TPD52L1: variants seen among roughly 807,000 people sequenced by gnomAD.
TPD52L1 encodes TPD52 like 1.
TPD52L1 carries 18 observed loss-of-function variants against 28.7 expected under a neutral mutation model. That is an observed-to-expected ratio of 0.63 (90% CI 0.43 to 0.93). TPD52L1 has a LOEUF of 0.93. Among genes scored for constraint, TPD52L1 ranks in the 40% least tolerant of loss-of-function variants. The pLI is 0.00. For missense variants in TPD52L1, 203 were observed against 254.8 expected, an observed-to-expected ratio of 0.80 and a Z score of 1.39; for synonymous variants, 75 against 88.8, an observed-to-expected ratio of 0.84 and a Z score of 0.88.
intron 1 of TPD52L1, among the ~76,000 whole-genome samples, chr6:125,218,377 G>T (rs1795017408): frequency 6.6e-6 from 1 of 152,016 alleles, no homozygotes; most frequent in Admixed American, 6.6e-5. Context: ...TGCTTTCCTG[G>T]GTTTATTAAC....
At chr6:125,172,481 T>G (rs1219792705) in intron 1 of TPD52L1, among the ~76,000 whole-genome samples, 1 of 117,430 alleles carries the variant, frequency 8.5e-6, no homozygotes, top group Non-Finnish European at 1.7e-5. Flanking sequence ...TGTGTGTGTT[T>G]TTTTTTTAGC....
At chr6:125,257,607 A>AAATT (rs1797682447) in intron 6 of TPD52L1, among the ~76,000 whole-genome samples, 1 of 152,246 alleles carries the variant, frequency 6.6e-6, no homozygotes, top group African/African-American at 2.4e-5. Context: ...ACTTGTTTAT[A>AAATT]AATTCAGGTA....
intron 1 of TPD52L1, among the ~76,000 whole-genome samples, chr6:125,163,652 G>T (rs1349476157): frequency 7.9e-5 from 12 of 151,026 alleles, no homozygotes; most frequent in African/African-American, 2.9e-4. Context: ...CAGGCCGGGC[G>T]TGGTGGCTTA....
In TPD52L1 at chr6:125,203,478, A is replaced by C. The variant is rs571936281; in HGVS notation, c.20-16600A>C. ...ACAAATAATGGTTTGAAATAGGAAG[A>C]GTATCCCAAATGCTTTAATCTTATA... On this transcript the variant is annotated intron_variant, in intron 1 of 6. Transcript: ENST00000534000. Among the ~76,000 whole-genome samples the C allele has an allele frequency of 4.6e-5, 7 of 152,308 alleles. No individual in the cohort carries two copies. In the East Asian group the frequency reaches 1.4e-3, roughly 29 times the overall value.
At chr6:125,249,569 G>C (rs1233573319) in intron 4 of TPD52L1, among the ~76,000 whole-genome samples, 2 of 151,414 alleles carry the variant, frequency 1.3e-5, no homozygotes, top group African/African-American at 4.9e-5. Flanking sequence ...GTGTGTGCCT[G>C]TAGTCCCAGC....
intron 3 of TPD52L1, among the ~76,000 whole-genome samples, chr6:125,247,815 A>G (rs1191360466): frequency 6.6e-6 from 1 of 152,232 alleles, no homozygotes; most frequent in African/African-American, 2.4e-5. Context: ...AGTAAGCTAA[A>G]TAACTAGCTG....
At chr6:125,225,898 A>C (rs982220764) in intron 2 of TPD52L1, among the ~76,000 whole-genome samples, 4 of 152,152 alleles carry the variant, frequency 2.6e-5, no homozygotes, top group Non-Finnish European at 5.9e-5. Context: ...CTGCATTTTA[A>C]ATATGCTTTC....
intron 2 of TPD52L1, among the ~76,000 whole-genome samples, chr6:125,227,709 T>C (rs893161946): frequency 1.3e-5 from 2 of 152,228 alleles, no homozygotes; most frequent in African/African-American, 4.8e-5. Flanking sequence ...CAGAGCAATA[T>C]GTTATAGAGT....
intron 1 of TPD52L1, among the ~76,000 whole-genome samples, chr6:125,194,032 T>G (rs1449251909): frequency 1.3e-5 from 2 of 151,474 alleles, no homozygotes; most frequent in African/African-American, 2.4e-5. Flanking sequence ...AGTTTTTTTT[T>G]TTTTTTTTTT....
At chr6:125,225,935 T>G (rs1226877330) in intron 2 of TPD52L1, among the ~76,000 whole-genome samples, 2 of 152,142 alleles carry the variant, frequency 1.3e-5, no homozygotes, top group Admixed American at 1.3e-4. Context: ...TGAGAACCAC[T>G]GAGATAACTA....
chr6:125,237,970 T>G (rs1392920350), intron 3 of TPD52L1, among the ~76,000 whole-genome samples: 1 of 152,208 alleles, frequency 6.6e-6, no homozygotes, highest in Non-Finnish European at 1.5e-5. Context: ...TTGAACTCCA[T>G]TTTTAATGCC....
intron 5 of TPD52L1, among the ~76,000 whole-genome samples, chr6:125,255,899 C>T (rs959905): frequency 0.52 from 79,235 of 151,928 alleles, 21,370 homozygotes; most frequent in East Asian, 0.68. Context: ...TTAGTAGGAG[C>T]TGGTGGTATT....
At chr6:125,254,000 C>T in intron 5 of TPD52L1, 1 of 689,006 alleles carries the variant, frequency 1.5e-6, no homozygotes, top group East Asian at 2.8e-5. Flanking sequence ...ATTCTTTTAT[C>T]CATATATTGC....
At chr6:125,168,905 C>T (rs1043789232) in intron 1 of TPD52L1, among the ~76,000 whole-genome samples, 1 of 152,132 alleles carries the variant, frequency 6.6e-6, no homozygotes, top group Non-Finnish European at 1.5e-5. Flanking sequence ...ATAATGGCCC[C>T]ATATAATAGC....
At chr6:125,207,900 T>C (rs770812719) in intron 1 of TPD52L1, among the ~76,000 whole-genome samples, 11 of 152,202 alleles carry the variant, frequency 7.2e-5, no homozygotes, top group Non-Finnish European at 1.2e-4. Flanking sequence ...ACCTGCCTAA[T>C]GTGTTTCTAG....
intron 2 of TPD52L1, among the ~76,000 whole-genome samples, chr6:125,223,213 C>A (rs1453371814): frequency 6.6e-6 from 1 of 152,132 alleles, no homozygotes; most frequent in Non-Finnish European, 1.5e-5. Context: ...CTGTCTTATC[C>A]TGCATTATCT....
intron 6 of TPD52L1, among the ~76,000 whole-genome samples, chr6:125,259,244 C>T (rs1308247432): frequency 1.3e-5 from 2 of 152,148 alleles, no homozygotes; most frequent in Non-Finnish European, 2.9e-5. Flanking sequence ...TTTTTGAAAA[C>T]ACTGCTGATA....
intron 2 of TPD52L1, among the ~76,000 whole-genome samples, chr6:125,227,000 A>G (rs1041754922): frequency 6.6e-6 from 1 of 152,200 alleles, no homozygotes; most frequent in African/African-American, 2.4e-5. Flanking sequence ...TACAGTAATC[A>G]GTGTATGTAT....
intron 1 of TPD52L1, among the ~76,000 whole-genome samples, chr6:125,180,484 G>A (rs1375090214): frequency 6.6e-6 from 1 of 151,714 alleles, no homozygotes; most frequent in Admixed American, 6.6e-5. Flanking sequence ...TGAAATTACT[G>A]ACACATATAA....
Sources: gnomAD v4.1 joint callset for allele counts (sites outside exome capture counted in the v4.1 genomes callset) on GRCh38, gnomAD v4.1.1 for gene constraint, MANE v1.5 for transcripts, NCBI Gene and HGNC (gene_info 2026-07-23, HGNC 2026-07-21) for gene names.